EPHB1: variants seen among roughly 807,000 people sequenced by gnomAD.
EPHB1 encodes EPH receptor B1, also known as ephrin type-B receptor 1.
Under a neutral mutation model 94.4 loss-of-function variants are expected in EPHB1, and 30 were observed. The observed-to-expected ratio is 0.32, with a 90% CI of 0.24 to 0.43. The LOEUF (loss-of-function observed/expected upper bound fraction) is 0.43. Ranked by LOEUF, EPHB1 falls within the 20% of genes least tolerant of loss-of-function variation. The pLI is 1.00. For synonymous variants in EPHB1, 522 were observed against 489.1 expected (o/e 1.07, Z -0.89); for missense variants, 1,055 against 1,308.3 (o/e 0.81, Z 2.99).
intron 11 of EPHB1, among the ~76,000 whole-genome samples, chr3:135,195,129 G>A (rs993575129): frequency 3.3e-5 from 5 of 152,002 alleles, no homozygotes; most frequent in Non-Finnish European, 7.4e-5. Flanking sequence ...GCATTTTCTG[G>A]AACCACTGTC....
At chr3:135,166,752 C>G (rs75799445) in intron 8 of EPHB1, among the ~76,000 whole-genome samples, 190 bp from the exon 9 acceptor site, 3,334 of 152,288 alleles carry the variant, frequency 0.022, 104 homozygotes, top group African/African-American at 0.075. Flanking sequence ...AACCATCTGC[C>G]CACAGGAGTG....
intron 3 of EPHB1, among the ~76,000 whole-genome samples, chr3:135,067,156 T>C (rs1937591124): frequency 6.6e-6 from 1 of 152,186 alleles, no homozygotes; most frequent in African/African-American, 2.4e-5. Context: ...TCTATTTTTG[T>C]GCTGGTTGGC....
At chr3:134,900,294 C>T (rs2038174842) in intron 1 of EPHB1, among the ~76,000 whole-genome samples, 1 of 152,052 alleles carries the variant, frequency 6.6e-6, no homozygotes, top group Admixed American at 6.6e-5. Flanking sequence ...CCTAGTGGTC[C>T]CAGCAAAGTG....
intron 3 of EPHB1, among the ~76,000 whole-genome samples, chr3:135,047,696 C>T (rs1937042835): frequency 6.6e-6 from 1 of 152,164 alleles, no homozygotes; most frequent in Non-Finnish European, 1.5e-5. Flanking sequence ...TGTTTCTTCC[C>T]TTAACAAACA....
At chr3:135,031,173 T>C (rs1159979411) in intron 3 of EPHB1, among the ~76,000 whole-genome samples, 1 of 152,202 alleles carries the variant, frequency 6.6e-6, no homozygotes, top group East Asian at 1.9e-4. Context: ...AATGCAGAAA[T>C]CACCTGTCTT....
chr3:135,243,061 C>T (rs1164713644), intron 13 of EPHB1, among the ~76,000 whole-genome samples: 9 of 126,396 alleles, frequency 7.1e-5, no homozygotes, highest in Middle Eastern at 5.2e-3. Flanking sequence ...GGTGACAGAG[C>T]GGGACCCTGT....
At chr3:134,996,145 T>C (rs1356388068) in intron 3 of EPHB1, among the ~76,000 whole-genome samples, 3 of 152,206 alleles carry the variant, frequency 2.0e-5, no homozygotes, top group African/African-American at 7.2e-5. Context: ...ATCTACTAAT[T>C]AGGTTCCTTA....
chr3:134,971,748 T>C (rs1385709377), intron 3 of EPHB1, among the ~76,000 whole-genome samples: 1 of 152,238 alleles, frequency 6.6e-6, no homozygotes, highest in Non-Finnish European at 1.5e-5. Flanking sequence ...TGATTATCTC[T>C]GAACAGCTAA....
chr3:134,895,292 A>G (rs1419403902), intron 1 of EPHB1, among the ~76,000 whole-genome samples: 1 of 151,926 alleles, frequency 6.6e-6, no homozygotes, highest in East Asian at 1.9e-4. Flanking sequence ...CTCATTCTTT[A>G]TTTGCTGGCT....
At chr3:134,976,680 C>T (rs1934204510) in intron 3 of EPHB1, among the ~76,000 whole-genome samples, 1 of 152,134 alleles carries the variant, frequency 6.6e-6, no homozygotes, top group African/African-American at 2.4e-5. Flanking sequence ...GCCACATATT[C>T]TTCCATAAAC....
intron 1 of EPHB1, among the ~76,000 whole-genome samples, chr3:134,803,424 G>A (rs1367561185): frequency 3.9e-5 from 6 of 152,128 alleles, no homozygotes; most frequent in Non-Finnish European, 7.4e-5. Context: ...GACTGATTAC[G>A]GGGGCCATGT....
chr3:135,034,787 A>C (rs36037), intron 3 of EPHB1, among the ~76,000 whole-genome samples: 136,771 of 152,262 alleles, frequency 0.9, 62,008 homozygotes, highest in East Asian at 1. Context: ...GGGGCCCCAG[A>C]CTGTAGCTGA....
chr3:135,053,019 G>GTATATATATATATA, intron 3 of EPHB1, among the ~76,000 whole-genome samples: 1 of 68,360 alleles, frequency 1.5e-5, no homozygotes, highest in African/African-American at 7.7e-5. Context: ...ATATATGTGT[G>GTATATATATATATA]TGTGTGTGTA....
chr3:135,106,554 G>A lies in EPHB1; in HGVS notation c.912G>A (p.Arg304=), dbSNP rs781210189. The A allele has an allele frequency of 4.3e-6, 7 of 1,614,036 alleles. No individual in the cohort carries two copies. In the South Asian group the frequency reaches 7.7e-5, roughly 18 times the overall value. The change falls in exon 4 of 16, where the codon CGG becomes CGA. Residue 304 remains arginine, a synonymous_variant. Transcript: ENST00000398015. The part of the protein sequence containing the change: ...PAEASPICTC[R]TGYYRADFDP... ...AGGCGTCTCCCATCTGCACCTGTCG[G>A]ACCGGTTATTACCGAGCGGACTTTG...
At chr3:135,205,709 A>G (rs780686537) in intron 12 of EPHB1, among the ~76,000 whole-genome samples, 21 of 152,196 alleles carry the variant, frequency 1.4e-4, no homozygotes, top group Admixed American at 2.0e-4. Context: ...ATATCTTGGT[A>G]CATTTGCTTT....
At chr3:135,201,743 T>C in intron 12 of EPHB1, 54 bp downstream of exon 12, 1 of 1,543,664 alleles carries the variant, frequency 6.5e-7, no homozygotes, top group Non-Finnish European at 8.9e-7. Context: ...TAAAGGGGAC[T>C]CTACATGGCT....
chr3:135,110,579 G>A (rs556788165), intron 4 of EPHB1, among the ~76,000 whole-genome samples: 4 of 152,264 alleles, frequency 2.6e-5, no homozygotes, highest in South Asian at 2.1e-4. Flanking sequence ...CTCAAATTAC[G>A]AGGTTGTGAG....
At chr3:135,180,120 C>G (rs1387857957) in intron 10 of EPHB1, 138 bp downstream of exon 10, 2 of 1,007,992 alleles carry the variant, frequency 2.0e-6, no homozygotes, top group African/African-American at 3.3e-5. Flanking sequence ...GAAGATGAGT[C>G]TGAACTATCT....
chr3:135,114,441 CCTGT>C (rs1939590812), intron 4 of EPHB1, among the ~76,000 whole-genome samples: 1 of 147,552 alleles, frequency 6.8e-6, no homozygotes, highest in Non-Finnish European at 1.5e-5. Context: ...GTGGCTCACA[CCTGT>C]AATCCCAGCA....
Sources: allele counts gnomAD v4.1 joint callset (sites outside exome capture counted in the v4.1 genomes callset), GRCh38; gene constraint gnomAD v4.1.1; transcripts MANE v1.5; gene names NCBI Gene and HGNC (gene_info 2026-07-23, HGNC 2026-07-21).